ULK4: variants seen among roughly 807,000 people sequenced by gnomAD.
The protein encoded by ULK4 is unc-51 like kinase 4, also known as inactive serine/threonine-protein kinase ULK4.
Under a neutral mutation model 160.6 loss-of-function variants are expected in ULK4, and 133 were observed. The ratio of observed to expected loss-of-function variants is 0.83; its 90% confidence interval spans 0.72 to 0.96. ULK4 has a LOEUF of 0.96. Ranked by LOEUF, ULK4 falls within the 40% of genes least tolerant of loss-of-function variation. The pLI is 0.00. For synonymous variants in ULK4, 534 were observed against 539.8 expected (o/e 0.99, Z 0.15); for missense variants, 1,580 against 1,499.5 (o/e 1.05, Z -0.89).
chr3:41,548,285 C>T (rs2086935478), intron 32 of ULK4, among the ~76,000 whole-genome samples: 1 of 151,994 alleles, frequency 6.6e-6, no homozygotes, highest in Non-Finnish European at 1.5e-5. Flanking sequence ...GTCTGTTGCC[C>T]CAGACACACA....
At chr3:41,754,622 A>C in intron 21 of ULK4, 134 bp from the exon 22 acceptor site, 1 of 708,740 alleles carries the variant, frequency 1.4e-6, no homozygotes. Context: ...TCGCATTCTC[A>C]ATTTGTGCCA....
chr3:41,631,425 C>T (rs902469567), intron 30 of ULK4, among the ~76,000 whole-genome samples: 1 of 152,098 alleles, frequency 6.6e-6, no homozygotes, highest in Non-Finnish European at 1.5e-5. Flanking sequence ...GCTTAATTTA[C>T]TGAGAAAGTC....
At chr3:41,817,679 A>G (rs187570685) in intron 19 of ULK4, among the ~76,000 whole-genome samples, 2 of 152,266 alleles carry the variant, frequency 1.3e-5, no homozygotes, top group Admixed American at 6.5e-5. Flanking sequence ...TACTATGCTC[A>G]CTACCTGGGT....
chr3:41,268,092 T>C (rs1473337940), intron 35 of ULK4, among the ~76,000 whole-genome samples: 1 of 151,842 alleles, frequency 6.6e-6, no homozygotes, highest in Non-Finnish European at 1.5e-5. Context: ...TAAGGGGAGG[T>C]GGACTGGCAT....
At chr3:41,310,345 A>G (rs1198825433) in intron 35 of ULK4, among the ~76,000 whole-genome samples, 4 of 152,234 alleles carry the variant, frequency 2.6e-5, no homozygotes, top group Non-Finnish European at 5.9e-5. Context: ...AGAAGTTTTT[A>G]AGATAATTAC....
intron 21 of ULK4, among the ~76,000 whole-genome samples, chr3:41,768,560 G>T (rs948532830): frequency 6.6e-6 from 1 of 152,106 alleles, no homozygotes; most frequent in African/African-American, 2.4e-5. Flanking sequence ...TGCAACTGAG[G>T]CTACCAACCT....
intron 19 of ULK4, among the ~76,000 whole-genome samples, chr3:41,803,637 C>G (rs1348481875): frequency 6.6e-6 from 1 of 152,122 alleles, no homozygotes; most frequent in Non-Finnish European, 1.5e-5. Context: ...CCTCCCCACT[C>G]CCCCTACCCC....
At chr3:41,706,374 T>TAAATATATATATTTATATATATATATTA (rs200455813) in intron 25 of ULK4, among the ~76,000 whole-genome samples, 11 of 145,762 alleles carry the variant, frequency 7.5e-5, no homozygotes, top group African/African-American at 2.8e-4. Flanking sequence ...TATATATATT[T>TAAATATATATATTTATATATATATATTA]AATATATATA....
chr3:41,384,918 G>C (rs1238543013), intron 35 of ULK4, among the ~76,000 whole-genome samples: 1 of 152,084 alleles, frequency 6.6e-6, no homozygotes, highest in African/African-American at 2.4e-5. Context: ...AGCTGGGCAT[G>C]CTGGTGCATG....
intron 21 of ULK4, among the ~76,000 whole-genome samples, chr3:41,766,086 C>A (rs983093654): frequency 6.6e-6 from 1 of 151,654 alleles, no homozygotes; most frequent in Admixed American, 6.6e-5. Context: ...CTGGCCAAGA[C>A]GGTAAAACCC....
chr3:41,591,343 T>C (rs1043963989), intron 31 of ULK4, among the ~76,000 whole-genome samples: 3 of 151,734 alleles, frequency 2.0e-5, no homozygotes, highest in African/African-American at 7.3e-5. Flanking sequence ...AAGTGGAGGG[T>C]AGGGAAAGTT....
chr3:41,256,556 T>C (rs2078838021), intron 35 of ULK4, among the ~76,000 whole-genome samples: 1 of 152,248 alleles, frequency 6.6e-6, no homozygotes, highest in Non-Finnish European at 1.5e-5. Flanking sequence ...AACCTAGACA[T>C]ATATTTTACA....
rs570030452 is a variant in ULK4 at position 41,805,201 on chromosome 3, C to G, written c.1849-4908G>C. Among the ~76,000 whole-genome samples, 994 of 152,286 alleles carry G rather than the reference C, an allele frequency of 6.5e-3. 9 individuals carry two copies. Among genetic ancestry groups the G allele is most frequent in the African/African-American group, 0.023 (960 of 41,564 alleles). On this transcript the variant is annotated intron_variant, in intron 19 of 36. Transcript: ENST00000301831. Reference sequence around the variant, plus strand: ...TTCTCCTTGAAGAGGTCCTTCACGTCCCTTGTAAGTTGGATTCCTAGGTAT... The same window carrying G: ...TTCTCCTTGAAGAGGTCCTTCACGTGCCTTGTAAGTTGGATTCCTAGGTAT...
Position 41,462,321 on chromosome 3 carries a change from A to G in ULK4, c.3393+766T>C, listed in dbSNP as rs553958644. ...CTGCGTCTATCCAAGCTTGGATGCC[A>G]TCATTTGATATACATCTCTTGCAAT... On this transcript the variant is annotated intron_variant, in intron 33 of 36. Coordinates refer to ENST00000301831, the MANE Select transcript of ULK4 (RefSeq NM_017886.4). Among the ~76,000 whole-genome samples the G allele has an allele frequency of 2.6e-5, 4 of 152,330 alleles. No homozygotes were observed. The South Asian group carries it at 8.3e-4, about 32-fold the overall frequency.
chr3:41,437,602 T>C (rs1407561920), intron 34 of ULK4, among the ~76,000 whole-genome samples: 3 of 152,136 alleles, frequency 2.0e-5, no homozygotes. Context: ...TGAGATCAGG[T>C]CCCTTGAGTA....
intron 17 of ULK4, among the ~76,000 whole-genome samples, chr3:41,843,076 C>A (rs903891468): frequency 2.6e-5 from 4 of 152,008 alleles, no homozygotes; most frequent in Non-Finnish European, 5.9e-5. Context: ...TATAAACCTT[C>A]TAGAAGAAAA....
intron 2 of ULK4, among the ~76,000 whole-genome samples, chr3:41,946,614 C>CG (rs1188873979): frequency 6.6e-6 from 1 of 152,176 alleles, no homozygotes; most frequent in African/African-American, 2.4e-5. Context: ...ACTTGTTCTA[C>CG]TTGGAAAGGC....
intron 31 of ULK4, among the ~76,000 whole-genome samples, chr3:41,595,510 TAAAAA>T (rs1559420789): frequency 6.6e-6 from 1 of 152,160 alleles, no homozygotes; most frequent in African/African-American, 2.4e-5. Flanking sequence ...AGTGTGTAGT[TAAAAA>T]AGAAAAGGTG....
In ULK4 at chr3:41,800,259, A is replaced by C; in HGVS notation, c.1883T>G (p.Ile628Ser). Residue 628 changes from isoleucine (I) to serine (S), a missense_variant, in exon 20 of 37, where the codon ATT becomes AGT. By Grantham distance (142) the Ile-to-Ser change is moderately radical. Coordinates refer to ENST00000301831, the MANE Select transcript of ULK4 (RefSeq NM_017886.4). Reference protein sequence around the residue: ...ERVVNHMAAKIIENVCTTFSA... With the variant: ...ERVVNHMAAKSIENVCTTFSA... Reference sequence around the variant, plus strand: ...AAAGGTGGTACAGACATTTTCAATAATTTTTGCTGCCATGTGATTCACAAC... The same window carrying C: ...AAAGGTGGTACAGACATTTTCAATACTTTTTGCTGCCATGTGATTCACAAC... 6.2e-7 allele frequency: 1 copy of C among 1,612,864 alleles called. No homozygotes were observed. The highest frequency in any genetic ancestry group is 8.5e-7 in the Non-Finnish European group (1 of 1,179,678).
Sources: gnomAD v4.1 joint callset for allele counts (sites outside exome capture counted in the v4.1 genomes callset) on GRCh38, gnomAD v4.1.1 for gene constraint, MANE v1.5 for transcripts, NCBI Gene and HGNC (gene_info 2026-07-23, HGNC 2026-07-21) for gene names.